The following CREB3L2 variants were observed in gnomAD, a reference collection of about 807,000 sequenced individuals.
CREB3L2 encodes the protein cyclic AMP-responsive element-binding protein 3-like protein 2.
CREB3L2 carries 23 observed loss-of-function variants against 57.2 expected under a neutral mutation model. The ratio of observed to expected loss-of-function variants is 0.40; its 90% CI spans 0.29 to 0.57. The LOEUF is 0.57. Ranked by LOEUF, CREB3L2 falls within the 20% of genes least tolerant of loss-of-function variation. The pLI is 0.42. For synonymous variants in CREB3L2, 268 were observed against 265.1 expected, an observed-to-expected ratio of 1.01 and a Z score of -0.11; for missense variants, 628 against 634.7, an observed-to-expected ratio of 0.99 and a Z score of 0.11.
In CREB3L2 at chr7:137,909,579, T is replaced by C. The variant is rs550314924; in HGVS notation, c.584-1143A>G. ...CTGTACAGCAGCCCCGTGGTGGGCA[T>C]GGCCCACACAGCTGGTTCTGCTCGG... On this transcript the variant is annotated intron_variant, in intron 4 of 11. Transcript: ENST00000330387. Among the ~76,000 whole-genome samples the C allele has an allele frequency of 2.2e-4, 33 of 152,362 alleles. No homozygotes were observed. In the South Asian group the frequency reaches 6.4e-3, roughly 30 times the overall value.
intron 8 of CREB3L2, among the ~76,000 whole-genome samples, chr7:137,891,073 T>A (rs977660469): frequency 1.3e-5 from 2 of 152,264 alleles, no homozygotes; most frequent in Non-Finnish European, 2.9e-5. Context: ...TACGTTTATC[T>A]GGGCCAACAG....
At position 137,880,551 on chromosome 7, in the gene CREB3L2, C is replaced by A. The variant is rs1383119701; in HGVS notation, c.1488G>T (p.Leu496=). ...KSVLLELQQH[L]VSAKLEGNET... The stretch of plus-strand genomic sequence containing the variant: ...CATTCCCCTCCAGTTTGGCGCTGAC[C>A]CTGTGAAGGCATTAAAAGGAAAACG... Residue 496 remains leucine, a splice_region_variant and synonymous_variant, in exon 12 of 12, where the codon CTG becomes CTT. Coordinates refer to ENST00000330387, the MANE Select transcript of CREB3L2 (RefSeq NM_194071.4). This position sits in a 1 kb window ranked among gnomAD's most constrained non-coding sequence, Gnocchi z 4.0. The A allele has an allele frequency of 6.2e-7, 1 of 1,612,508 alleles. No individual in the cohort carries two copies. Among genetic ancestry groups the A allele is most frequent in the Non-Finnish European group, 8.5e-7 (1 of 1,178,718 alleles).
At chr7:137,937,904 T>C (rs1203558068) in intron 1 of CREB3L2, among the ~76,000 whole-genome samples, 2 of 150,644 alleles carry the variant, frequency 1.3e-5, no homozygotes, top group Non-Finnish European at 3.0e-5. Context: ...TTTTTGTAAA[T>C]GAAGTATGTG....
intron 11 of CREB3L2, among the ~76,000 whole-genome samples, chr7:137,881,182 T>C (rs1206654643): frequency 6.6e-6 from 1 of 152,078 alleles, no homozygotes; most frequent in Non-Finnish European, 1.5e-5. Flanking sequence ...CTTCTAGAGA[T>C]CCCAGCGGTG....
intron 7 of CREB3L2, among the ~76,000 whole-genome samples, chr7:137,903,229 G>A (rs1799802307): frequency 6.6e-6 from 1 of 152,274 alleles, no homozygotes; most frequent in South Asian, 2.1e-4. Flanking sequence ...ACTTAAGTCA[G>A]GTGATAGAAG....
intron 8 of CREB3L2, among the ~76,000 whole-genome samples, chr7:137,886,816 T>C (rs952211060): frequency 6.6e-6 from 1 of 152,082 alleles, no homozygotes; most frequent in Non-Finnish European, 1.5e-5. Flanking sequence ...CAGTCTTATA[T>C]ACTCTGCTCT....
chr7:137,968,269 G>A (rs1181666588), intron 1 of CREB3L2, among the ~76,000 whole-genome samples: 2 of 149,902 alleles, frequency 1.3e-5, no homozygotes, highest in African/African-American at 4.9e-5. Context: ...GTGCAGGTTT[G>A]TTACATAGGT....
intron 1 of CREB3L2, among the ~76,000 whole-genome samples, chr7:137,998,629 T>C (rs1203114579): frequency 6.6e-6 from 1 of 152,232 alleles, no homozygotes; most frequent in Non-Finnish European, 1.5e-5. Context: ...CGAAGCCTCA[T>C]TTTTCTTATA....
At chr7:137,969,340 C>CT (rs71177936) in intron 1 of CREB3L2, among the ~76,000 whole-genome samples, 897 of 76,712 alleles carry the variant, frequency 0.012, 20 homozygotes, top group Middle Eastern at 0.019. Context: ...TTATGATCTT[C>CT]TTTTTTTTTT....
intron 2 of CREB3L2, among the ~76,000 whole-genome samples, chr7:137,922,384 GTATATATA>G (rs1175503933): frequency 1.5e-4 from 3 of 19,582 alleles, no homozygotes; most frequent in Non-Finnish European, 1.7e-4. Context: ...ATATATATAT[GTATATATA>G]TATATATATA....
chr7:137,922,152 T>C (rs1800295352), intron 2 of CREB3L2, among the ~76,000 whole-genome samples: 1 of 151,416 alleles, frequency 6.6e-6, no homozygotes. Flanking sequence ...TACCTGCTCC[T>C]TTTCTCTCTT....
intron 8 of CREB3L2, among the ~76,000 whole-genome samples, chr7:137,896,826 G>A (rs747098750): frequency 2.0e-5 from 3 of 152,166 alleles, no homozygotes; most frequent in Non-Finnish European, 2.9e-5. Flanking sequence ...GAGGAACATC[G>A]ACAAACTTGT....
chr7:137,999,379 TACACACACACACAC>T (rs60762009), intron 1 of CREB3L2, among the ~76,000 whole-genome samples: 20 of 142,324 alleles, frequency 1.4e-4, no homozygotes, highest in East Asian at 1.3e-3. Flanking sequence ...TATGTTCCCC[TACACACACACACAC>T]ACACACACAC....
At chr7:137,898,990 G>GGAAGGAA (rs1563243826) in intron 8 of CREB3L2, among the ~76,000 whole-genome samples, 1,244 of 122,092 alleles carry the variant, frequency 0.01, 42 homozygotes, top group African/African-American at 0.044. Flanking sequence ...GAAGGAAGGA[G>GGAAGGAA]GGAGAAAGGA....
At chr7:137,920,875 T>C (rs1427381129) in intron 2 of CREB3L2, among the ~76,000 whole-genome samples, 2 of 152,184 alleles carry the variant, frequency 1.3e-5, no homozygotes, top group African/African-American at 4.8e-5. Flanking sequence ...TCTTACTCAA[T>C]GGAAATAAAT....
chr7:137,900,448 T>C (rs1297416372), intron 8 of CREB3L2, among the ~76,000 whole-genome samples: 1 of 152,132 alleles, frequency 6.6e-6, no homozygotes, highest in East Asian at 1.9e-4. Context: ...TTTTGTAAAA[T>C]GGGTTTGAAA....
chr7:137,907,663 T>A (rs571430088), intron 5 of CREB3L2, among the ~76,000 whole-genome samples: 27 of 152,336 alleles, frequency 1.8e-4, no homozygotes, highest in Admixed American at 1.8e-3. Flanking sequence ...ATCAATTCAC[T>A]CCTAGAACAA....
At chr7:137,921,665 T>C (rs1309522968) in intron 2 of CREB3L2, among the ~76,000 whole-genome samples, 1 of 152,160 alleles carries the variant, frequency 6.6e-6, no homozygotes, top group Non-Finnish European at 1.5e-5. Context: ...TGATATATTA[T>C]GAAAGGAAAA....
In CREB3L2 at chr7:137,928,129, TTCC is replaced by T. The variant is rs754418946; in HGVS notation, c.319+18_319+20del. On this transcript the variant is annotated intron_variant, in intron 2 of 11. Coordinates refer to ENST00000330387, the MANE Select transcript of CREB3L2 (RefSeq NM_194071.4). ...AACCAAAGGCGCTAAGGTCCAGGTC[TTCC>T]TCCTCCTCTGAGTTTACCGTCATTG... is the stretch of plus-strand genomic sequence containing the variant. The T allele has an allele frequency of 2.9e-5, 45 of 1,542,026 alleles. No individual in the cohort carries two copies. Among genetic ancestry groups the T allele is most frequent in the Non-Finnish European group, 3.7e-5 (42 of 1,139,048 alleles).
Sources: allele counts gnomAD v4.1 joint callset (sites outside exome capture counted in the v4.1 genomes callset), GRCh38; gene constraint gnomAD v4.1.1; non-coding constraint Gnocchi (gnomAD v3.1); transcripts MANE v1.5; gene names NCBI Gene and HGNC (gene_info 2026-07-23, HGNC 2026-07-21).